Variants in RABGAP1L observed in about 807,000 individuals in gnomAD.
The protein encoded by RABGAP1L is RAB GTPase activating protein 1 like.
A neutral mutation model predicts 137.7 loss-of-function variants in RABGAP1L; 63 were observed. That is an observed-to-expected ratio of 0.46 (90% CI 0.37 to 0.56). The LOEUF is 0.56. RABGAP1L is among the 20% of genes least tolerant of loss of function. The pLI is 0.00. For synonymous variants in RABGAP1L, 431 were observed against 433.7 expected, an observed-to-expected ratio of 0.99 and a Z score of 0.08; for missense variants, 1,095 against 1,244.0, an observed-to-expected ratio of 0.88 and a Z score of 1.80.
intron 13 of RABGAP1L, among the ~76,000 whole-genome samples, chr1:174,636,886 ATTGT>A (rs1364444208): frequency 1.3e-5 from 2 of 152,198 alleles, no homozygotes; most frequent in African/African-American, 2.4e-5. Flanking sequence ...TCCTTATGAT[ATTGT>A]TTGTTATATA....
At chr1:174,783,707 C>CTTTTTTTTTTTTTTTTT (rs34367315) in intron 18 of RABGAP1L, among the ~76,000 whole-genome samples, 2 of 102,468 alleles carry the variant, frequency 2.0e-5, no homozygotes, top group Non-Finnish European at 3.8e-5. Context: ...TCTTCTTCTT[C>CTTTTTTTTTTTTTTTTT]TTTTTTTTTT....
chr1:174,263,035 C>T (rs578180081), intron 7 of RABGAP1L, among the ~76,000 whole-genome samples: 1 of 152,332 alleles, frequency 6.6e-6, no homozygotes, highest in Admixed American at 6.5e-5. Flanking sequence ...TGCAGTCCCT[C>T]CGTGAGCTCA....
intron 13 of RABGAP1L, among the ~76,000 whole-genome samples, chr1:174,462,124 A>G (rs927574102): frequency 6.6e-6 from 1 of 152,056 alleles, no homozygotes; most frequent in African/African-American, 2.4e-5. Flanking sequence ...CTTTTCCCTG[A>G]CTATGCTCTA....
chr1:174,306,450 C>T (rs963962143), intron 11 of RABGAP1L, among the ~76,000 whole-genome samples: 7 of 152,114 alleles, frequency 4.6e-5, no homozygotes, highest in East Asian at 1.9e-4. Flanking sequence ...TTTTAACGAT[C>T]GCCATTCTAA....
intron 18 of RABGAP1L, among the ~76,000 whole-genome samples, chr1:174,804,741 A>G (rs1488896044): frequency 6.6e-6 from 1 of 152,202 alleles, no homozygotes; most frequent in Non-Finnish European, 1.5e-5. Context: ...AGGAGGGTTG[A>G]TTATACATAC....
chr1:174,651,887 G>A (rs1040308057), intron 14 of RABGAP1L, among the ~76,000 whole-genome samples: 1 of 152,162 alleles, frequency 6.6e-6, no homozygotes, highest in African/African-American at 2.4e-5. Flanking sequence ...TATGATGTTA[G>A]GTGGTTATTT....
intron 13 of RABGAP1L, among the ~76,000 whole-genome samples, chr1:174,486,709 A>G (rs1337908446): frequency 6.6e-6 from 1 of 151,830 alleles, no homozygotes; most frequent in Admixed American, 6.6e-5. Flanking sequence ...TTGGTTTTCT[A>G]GTTCTTTAAG....
intron 13 of RABGAP1L, among the ~76,000 whole-genome samples, chr1:174,421,047 G>A (rs759892883): frequency 2.4e-4 from 37 of 152,266 alleles, no homozygotes; most frequent in Middle Eastern, 3.4e-3. Flanking sequence ...AGATCCCATT[G>A]TGGGTGTGGG....
chr1:174,927,086 AG>A (rs934783912), intron 19 of RABGAP1L, among the ~76,000 whole-genome samples: 11 of 151,606 alleles, frequency 7.3e-5, no homozygotes, highest in African/African-American at 2.2e-4. Context: ...AAAAAAAAAA[AG>A]TGGGGGGGCC....
intron 14 of RABGAP1L, among the ~76,000 whole-genome samples, chr1:174,678,088 A>G (rs1677772560): frequency 6.6e-6 from 1 of 152,182 alleles, no homozygotes. Flanking sequence ...CAGATATTAA[A>G]AAGTCAATTA....
At chr1:174,277,244 A>G (rs548339543) in intron 9 of RABGAP1L, among the ~76,000 whole-genome samples, 2 of 152,160 alleles carry the variant, frequency 1.3e-5, no homozygotes, top group African/African-American at 4.8e-5. Flanking sequence ...TTCATTTATT[A>G]GCAGTAAATA....
intron 13 of RABGAP1L, among the ~76,000 whole-genome samples, chr1:174,516,963 ATAAAT>A (rs1662920555): frequency 6.6e-6 from 1 of 150,990 alleles, no homozygotes; most frequent in Non-Finnish European, 1.5e-5. Flanking sequence ...AAATAAATAA[ATAAAT>A]AAAATAAATT....
Position 174,827,726 on chromosome 1 carries a change from G to A in RABGAP1L, c.2340+15766G>A, listed in dbSNP as rs1691732275. On this transcript the variant is annotated intron_variant, in intron 19 of 25. Coordinates refer to ENST00000681986, the MANE Select transcript of RABGAP1L (RefSeq NM_001366446.1). ...CCACTTCTATCAGCCCACTTGGTTG[G>A]CAAGGAATTTTCTCTGGCATGCATG... 1.4e-5 allele frequency among the ~76,000 whole-genome samples: 2 copies of A among 147,552 alleles called. 1 individual carries two copies. The highest frequency in any genetic ancestry group is 4.5e-4 in the South Asian group (2 of 4,486).
intron 19 of RABGAP1L, among the ~76,000 whole-genome samples, chr1:174,859,003 G>A (rs903930836): frequency 1.3e-5 from 2 of 152,124 alleles, no homozygotes; most frequent in Non-Finnish European, 1.5e-5. Flanking sequence ...ATAGTGTGGC[G>A]ATTCCTCAAA....
chr1:174,754,215 G>A (rs1684546487), intron 18 of RABGAP1L, among the ~76,000 whole-genome samples: 1 of 152,122 alleles, frequency 6.6e-6, no homozygotes, highest in Non-Finnish European at 1.5e-5. Context: ...GATAAAAAGA[G>A]CCTTCTCACC....
At chr1:174,687,387 G>C (rs1678556623) in intron 15 of RABGAP1L, among the ~76,000 whole-genome samples, 6 of 152,042 alleles carry the variant, frequency 3.9e-5, no homozygotes, top group Admixed American at 3.9e-4. Flanking sequence ...TTGAAATATA[G>C]AAATCCTTTT....
intron 13 of RABGAP1L, among the ~76,000 whole-genome samples, chr1:174,589,024 A>T (rs776830865): frequency 1.3e-5 from 2 of 152,316 alleles, no homozygotes; most frequent in South Asian, 4.1e-4. Flanking sequence ...CAGAACTTCT[A>T]TACTGTTCTT....
At chr1:174,203,186 A>G (rs531751175) in intron 1 of RABGAP1L, among the ~76,000 whole-genome samples, 3 of 151,860 alleles carry the variant, frequency 2.0e-5, no homozygotes, top group African/African-American at 7.2e-5. Context: ...TTTGTTTATG[A>G]TGTAAGGAAA....
intron 13 of RABGAP1L, among the ~76,000 whole-genome samples, chr1:174,423,752 C>A (rs935026608): frequency 1.5e-4 from 23 of 152,142 alleles, no homozygotes; most frequent in African/African-American, 5.5e-4. Flanking sequence ...ATAGGGAATG[C>A]TATTCTGTAA....
Sources: gnomAD v4.1 joint callset for allele counts (sites outside exome capture counted in the v4.1 genomes callset) on GRCh38, gnomAD v4.1.1 for gene constraint, MANE v1.5 for transcripts, NCBI Gene and HGNC (gene_info 2026-07-23, HGNC 2026-07-21) for gene names.